The following VPS37A variants were observed in gnomAD, a reference collection of about 807,000 sequenced individuals.
VPS37A encodes VPS37A subunit of ESCRT-I.
In VPS37A, 30 loss-of-function variants were observed where a neutral mutation model predicts 49.8. That is an observed-to-expected ratio of 0.60 (90% CI 0.45 to 0.82). The LOEUF (loss-of-function observed/expected upper bound fraction) is 0.82, where lower values mean the gene tolerates loss of function less well. Among genes scored for constraint, VPS37A ranks in the 40% least tolerant of loss-of-function variants. The pLI is 0.00. For synonymous variants in VPS37A, 195 were observed against 160.6 expected (o/e 1.21, Z -1.62); for missense variants, 593 against 464.4 (o/e 1.28, Z -2.55).
At chr8:17,267,508 G>T (rs548079136) in intron 2 of VPS37A, among the ~76,000 whole-genome samples, 1 of 151,812 alleles carries the variant, frequency 6.6e-6, no homozygotes, top group African/African-American at 2.4e-5. Flanking sequence ...TGTTCTTTAC[G>T]TGAAACCATG....
chr8:17,268,492 A>C (rs1209333588), intron 3 of VPS37A, 120 bp downstream of exon 3: 1 of 732,468 alleles, frequency 1.4e-6, no homozygotes, highest in Non-Finnish European at 2.1e-6. Flanking sequence ...CTTTTTTTAA[A>C]AATTGAATAT....
the VPS37A span, among the ~76,000 whole-genome samples, chr8:17,314,769 G>C: frequency 2.6e-5 from 4 of 152,176 alleles, no homozygotes; most frequent in Admixed American, 2.6e-4. Context: ...CCAAATGCCT[G>C]CCCTGAGCTA....
At chr8:17,328,727 A>G in the VPS37A span, among the ~76,000 whole-genome samples, 1 of 152,206 alleles carries the variant, frequency 6.6e-6, no homozygotes, top group Non-Finnish European at 1.5e-5. Flanking sequence ...TTAAATAAAA[A>G]AAGAAAATAC....
chr8:17,293,213 C>T (rs934826250), intron 11 of VPS37A, among the ~76,000 whole-genome samples: 3 of 151,554 alleles, frequency 2.0e-5, no homozygotes, highest in African/African-American at 7.3e-5. Flanking sequence ...TCTTCAGTCT[C>T]TGATATCCTT....
downstream of VPS37A, among the ~76,000 whole-genome samples, chr8:17,307,155 A>G (rs1001730788): frequency 2.6e-5 from 4 of 152,198 alleles, no homozygotes; most frequent in African/African-American, 9.6e-5. Flanking sequence ...CAAAGGGCTA[A>G]AATCCAGAAT....
chr8:17,298,311 C>T (rs989075722), downstream of VPS37A: 2 of 151,836 alleles, frequency 1.3e-5, no homozygotes, highest in African/African-American at 4.8e-5. Flanking sequence ...CAGAGAATGC[C>T]CAAATTTTAT....
rs376962773 is a variant in VPS37A, at chr8:17,268,372, T to G, written c.315T>G (p.Asn105Lys). 3.8e-6 allele frequency: 6 copies of G among 1,571,944 alleles called. No homozygotes were observed. Among genetic ancestry groups the G allele is most frequent in the South Asian group, 1.1e-5 (1 of 89,936 alleles). Residue 105 changes from asparagine (N) to lysine (K), a missense_variant and splice_region_variant, in exon 3 of 12, where the codon AAT (asparagine) becomes AAG (lysine). Asn to Lys is a moderately conservative substitution (Grantham distance 94). Coordinates refer to ENST00000324849, the MANE Select transcript of VPS37A (RefSeq NM_152415.3). Reference protein sequence around the residue: ...GVYVTSPLVNNFTMHSDLGKI... With the variant: ...GVYVTSPLVNKFTMHSDLGKI... ...ATGTTACCTCTCCATTAGTAAACAA[T>G]GTATGTATATGGGATAATTTATTTC...
In VPS37A at chr8:17,280,446, A is replaced by G. The variant is rs1439437168; in HGVS notation, c.969+3A>G. 2 of 1,591,184 alleles carry G rather than the reference A, an allele frequency of 1.3e-6. No individual in the cohort carries two copies. Among genetic ancestry groups the G allele is most frequent in the Non-Finnish European group, 1.7e-6 (2 of 1,173,560 alleles). On this transcript the variant is annotated splice_donor_region_variant and intron_variant, in intron 9 of 11. Coordinates refer to ENST00000324849, the MANE Select transcript of VPS37A (RefSeq NM_152415.3). Reference sequence around the variant, plus strand: ...AAAGGCAGCATGAACTTAGTGAGGTAAGACTGTTTATTTTTTTCCCTTTGC... The same window carrying G: ...AAAGGCAGCATGAACTTAGTGAGGTGAGACTGTTTATTTTTTTCCCTTTGC...
intron 1 of VPS37A, chr8:17,247,810 G>A (rs1164086362): frequency 1.4e-6 from 1 of 701,156 alleles, no homozygotes; most frequent in Non-Finnish European, 2.6e-6. Context: ...AACATCAAAG[G>A]AAAGGGAAGC....
At chr8:17,258,648 G>A (rs759906956) in intron 1 of VPS37A, among the ~76,000 whole-genome samples, 6 of 151,758 alleles carry the variant, frequency 4.0e-5, no homozygotes, top group Non-Finnish European at 5.9e-5. Flanking sequence ...GAATGAGTTT[G>A]GAAGTAGTCC....
At chr8:17,315,453 C>T in the VPS37A span, among the ~76,000 whole-genome samples, 1 of 152,066 alleles carries the variant, frequency 6.6e-6, no homozygotes, top group Non-Finnish European at 1.5e-5. Context: ...CAAGAGGGAA[C>T]CGTACAGTGG....
At chr8:17,262,335 T>C (rs1293531775) in intron 1 of VPS37A, among the ~76,000 whole-genome samples, 3 of 152,174 alleles carry the variant, frequency 2.0e-5, no homozygotes, top group East Asian at 3.9e-4. Context: ...CTAAAGCATA[T>C]TAAGGTCTAT....
the VPS37A span, among the ~76,000 whole-genome samples, chr8:17,314,718 A>T: frequency 6.6e-6 from 1 of 152,218 alleles, no homozygotes; most frequent in Admixed American, 6.5e-5. Flanking sequence ...TAAGAAAAAC[A>T]TATTATGAAT....
intron 11 of VPS37A, among the ~76,000 whole-genome samples, chr8:17,288,552 A>T (rs982216978): frequency 3.9e-5 from 6 of 152,154 alleles, no homozygotes; most frequent in African/African-American, 1.4e-4. Context: ...ACATGAACTC[A>T]TTCTTTTTTA....
At chr8:17,258,528 C>G (rs1350499139) in intron 1 of VPS37A, among the ~76,000 whole-genome samples, 2 of 151,844 alleles carry the variant, frequency 1.3e-5, no homozygotes, top group African/African-American at 2.4e-5. Context: ...AATGTTTTGT[C>G]GAATTTGGTT....
chr8:17,271,467 A>G (rs538660170), intron 4 of VPS37A, among the ~76,000 whole-genome samples: 1 of 152,058 alleles, frequency 6.6e-6, no homozygotes, highest in East Asian at 1.9e-4. Flanking sequence ...TTAGCTGGGC[A>G]TGGTGGTGGG....
intron 10 of VPS37A, 49 bp from the exon 11 acceptor site, chr8:17,286,298 G>C (rs1200898003): frequency 4.8e-6 from 7 of 1,451,556 alleles, no homozygotes; most frequent in African/African-American, 1.4e-5. Flanking sequence ...TAAAGTAGTA[G>C]GCATATCTTT....
chr8:17,268,198 A>G lies in VPS37A; in HGVS notation c.201-60A>G, dbSNP rs1252385930. 3 of 1,166,694 alleles carry G rather than the reference A, an allele frequency of 2.6e-6. No homozygotes were observed. In the East Asian group the frequency reaches 7.1e-5, roughly 27 times the overall value. The allele number at this position is 1,166,694 out of a possible 1,614,324, so 72.3% of individuals were successfully genotyped here. A position where few individuals can be genotyped will look rare whatever the true frequency, so the allele number is the denominator to read the frequency against. On this transcript the variant is annotated intron_variant, in intron 2 of 11. Coordinates refer to ENST00000324849, the MANE Select transcript of VPS37A (RefSeq NM_152415.3). ...TAAATAGCTTTGTTTTAAGATTTTG[A>G]CCATATAATGTACCTTTGTTATCTT...
downstream of VPS37A, chr8:17,304,331 G>A (rs1411359505): frequency 1.3e-6 from 2 of 1,589,478 alleles, no homozygotes; most frequent in Non-Finnish European, 1.7e-6. Context: ...AACGGTACCA[G>A]AATCCAAGTT....
Sources: allele counts gnomAD v4.1 joint callset (sites outside exome capture counted in the v4.1 genomes callset), GRCh38; gene constraint gnomAD v4.1.1; transcripts MANE v1.5; gene names NCBI Gene and HGNC (gene_info 2026-07-23, HGNC 2026-07-21).